The following NCALD variants were observed in gnomAD, a reference collection of about 807,000 sequenced individuals.
NCALD encodes the protein neurocalcin delta, also known as neurocalcin-delta.
Under a neutral mutation model 18.6 loss-of-function variants are expected in NCALD, and 10 were observed. That is an observed-to-expected ratio of 0.54 (90% CI 0.33 to 0.91). The LOEUF is 0.91. Among genes scored for constraint, NCALD ranks in the 40% least tolerant of loss-of-function variants. The probability of loss-of-function intolerance (pLI) is 0.03; values close to 1 mark genes in which losing one functional copy is unlikely to be tolerated. For synonymous variants in NCALD, 88 were observed against 87.4 expected, an observed-to-expected ratio of 1.01 and a Z score of -0.04; for missense variants, 184 against 247.6, an observed-to-expected ratio of 0.74 and a Z score of 1.72.
chr8:101,908,472 A>G (rs1384075105), intron 3 of NCALD, among the ~76,000 whole-genome samples: 1 of 152,208 alleles, frequency 6.6e-6, no homozygotes, highest in Non-Finnish European at 1.5e-5. Flanking sequence ...ACAAACCACA[A>G]TATTTCCATC....
Position 101,931,514 on chromosome 8 carries a change from T to C in NCALD, c.-156-15656A>G, listed in dbSNP as rs772453553. 6.2e-4 allele frequency among the ~76,000 whole-genome samples: 94 copies of C among 152,320 alleles called. 1 individual carries two copies. Among genetic ancestry groups the C allele is most frequent in the Non-Finnish European group, 4.4e-5 (3 of 68,026 alleles). ...CAAGTAAAACGTGTGCATGACTCCA[T>C]GTCCTGAGCCCTGAAATAGTTGCAG... On this transcript the variant is annotated intron_variant, in intron 2 of 6. Coordinates refer to the NCALD transcript ENST00000311028.
intron 2 of NCALD, among the ~76,000 whole-genome samples, chr8:101,978,551 G>C (rs1563502566): frequency 6.6e-6 from 1 of 152,164 alleles, no homozygotes. Context: ...GGTCAGCCCA[G>C]ATCTGCCTGA....
At chr8:101,758,538 C>T (rs1810980515) in intron 1 of NCALD, among the ~76,000 whole-genome samples, 1 of 152,200 alleles carries the variant, frequency 6.6e-6, no homozygotes, top group Non-Finnish European at 1.5e-5. Context: ...ATCTGTTCCT[C>T]CCATGAATTA....
chr8:102,123,094 T>C (rs948205592), intron 1 of NCALD, among the ~76,000 whole-genome samples: 7 of 152,214 alleles, frequency 4.6e-5, no homozygotes, highest in Admixed American at 4.6e-4. Flanking sequence ...GTGAAAAACC[T>C]CACAAGCATT....
At chr8:101,973,885 G>A (rs535345140) in intron 2 of NCALD, among the ~76,000 whole-genome samples, 1 of 152,280 alleles carries the variant, frequency 6.6e-6, no homozygotes, top group South Asian at 2.1e-4. Context: ...TATGAGTCAC[G>A]CACTGTACCA....
intron 1 of NCALD, among the ~76,000 whole-genome samples, chr8:101,729,802 G>A (rs556181700): frequency 2.6e-4 from 40 of 152,262 alleles, no homozygotes; most frequent in African/African-American, 9.4e-4. Flanking sequence ...GGCTGAAAGG[G>A]GCCTGGCCTG....
intron 3 of NCALD, among the ~76,000 whole-genome samples, chr8:101,910,364 A>C (rs1817750463): frequency 7.2e-6 from 1 of 138,678 alleles, no homozygotes. Context: ...GTGGGCATTG[A>C]GTGCTGAGGT....
chr8:102,056,784 G>T (rs928659440), intron 1 of NCALD, among the ~76,000 whole-genome samples: 1 of 152,226 alleles, frequency 6.6e-6, no homozygotes, highest in African/African-American at 2.4e-5. Context: ...AGTAGAGCTG[G>T]AGCACCTCAG....
intron 1 of NCALD, among the ~76,000 whole-genome samples, chr8:101,758,833 C>T (rs200037665): frequency 6.6e-6 from 1 of 151,954 alleles, no homozygotes; most frequent in South Asian, 2.1e-4. Context: ...GTGTAAAATA[C>T]TTTTTTTTTG....
At chr8:101,735,285 T>A (rs1368755787) in intron 1 of NCALD, among the ~76,000 whole-genome samples, 2 of 152,216 alleles carry the variant, frequency 1.3e-5, no homozygotes, top group African/African-American at 2.4e-5. Context: ...ACCAGTCCTC[T>A]GGCTAACCTT....
intron 4 of NCALD, among the ~76,000 whole-genome samples, chr8:101,822,887 A>G (rs1457704397): frequency 1.3e-5 from 2 of 152,040 alleles, no homozygotes; most frequent in Admixed American, 6.6e-5. Context: ...TACTTTTACA[A>G]TCAGGTCCGT....
intron 2 of NCALD, among the ~76,000 whole-genome samples, chr8:102,004,903 G>A (rs996245353): frequency 4.6e-5 from 7 of 152,102 alleles, no homozygotes; most frequent in African/African-American, 7.2e-5. Context: ...AGATTTAAAC[G>A]TTAGACCTAA....
chr8:101,944,542 C>T (rs1819094240), intron 2 of NCALD, among the ~76,000 whole-genome samples: 1 of 152,218 alleles, frequency 6.6e-6, no homozygotes, highest in Non-Finnish European at 1.5e-5. Context: ...ATGGCACATG[C>T]TGGCTTTTCT....
At chr8:102,064,609 C>G (rs899203153) in intron 1 of NCALD, among the ~76,000 whole-genome samples, 2 of 152,214 alleles carry the variant, frequency 1.3e-5, no homozygotes, top group Non-Finnish European at 2.9e-5. Flanking sequence ...CCAAAACAAA[C>G]AGCATTCCAC....
chr8:102,108,453 G>T (rs1825543632), intron 1 of NCALD, among the ~76,000 whole-genome samples: 2 of 152,300 alleles, frequency 1.3e-5, no homozygotes. Context: ...AAGTCCTCAG[G>T]TGTTTTAAAT....
In NCALD at chr8:102,072,372, G is replaced by A. The variant is rs184630590; in HGVS notation, c.-210+51865C>T. 2.0e-3 allele frequency among the ~76,000 whole-genome samples: 300 copies of A among 152,232 alleles called. 5 individuals carry two copies. The highest frequency in any genetic ancestry group is 6.6e-3 in the South Asian group (32 of 4,828). On this transcript the variant is annotated intron_variant, in intron 1 of 6. Coordinates refer to the NCALD transcript ENST00000311028. Reference sequence around the variant, plus strand: ...GACCCTTAAAAGAGGGGAAAGATTCGGCTGTAGGGAGAAAGGGAAATTAAA... The same window carrying A: ...GACCCTTAAAAGAGGGGAAAGATTCAGCTGTAGGGAGAAAGGGAAATTAAA...
intron 1 of NCALD, among the ~76,000 whole-genome samples, chr8:101,784,991 C>T (rs573476637): frequency 8.5e-5 from 13 of 152,196 alleles, no homozygotes; most frequent in Non-Finnish European, 1.6e-4. Context: ...AATGAAATGA[C>T]GGTATTTGAG....
intron 1 of NCALD, among the ~76,000 whole-genome samples, chr8:101,726,724 G>A (rs1816589418): frequency 6.6e-6 from 1 of 152,262 alleles, no homozygotes; most frequent in East Asian, 1.9e-4. Context: ...TAGAGGAAGA[G>A]GTTCAGTGAG....
chr8:101,774,015 A>G (rs916789238), intron 1 of NCALD, among the ~76,000 whole-genome samples: 1 of 152,220 alleles, frequency 6.6e-6, no homozygotes, highest in Admixed American at 6.5e-5. Flanking sequence ...TGCAAAGTTA[A>G]AATGCTGCTA....
Sources: gnomAD v4.1 joint callset for allele counts (sites outside exome capture counted in the v4.1 genomes callset) on GRCh38, gnomAD v4.1.1 for gene constraint, MANE v1.5 for transcripts, NCBI Gene and HGNC (gene_info 2026-07-23, HGNC 2026-07-21) for gene names.